The following MAP4K3 variants were observed in gnomAD, a reference collection of about 807,000 sequenced individuals.
MAP4K3 encodes MAPK/ERK kinase kinase kinase 3.
Under a neutral mutation model 143.5 loss-of-function variants are expected in MAP4K3, and 94 were observed. That is an observed-to-expected ratio of 0.65 (90% CI 0.55 to 0.78). The LOEUF is 0.78. Ranked by LOEUF, MAP4K3 falls within the 30% of genes least tolerant of loss-of-function variation. The pLI is 0.00. For missense variants in MAP4K3, 1,077 were observed against 1,068.1 expected (o/e 1.01, Z -0.12); for synonymous variants, 416 against 347.2 (o/e 1.20, Z -2.20).
chr2:39,287,834 C>T (rs1681865024), intron 20 of MAP4K3, among the ~76,000 whole-genome samples: 1 of 152,134 alleles, frequency 6.6e-6, no homozygotes, highest in South Asian at 2.1e-4. Context: ...GTTTAATTTG[C>T]ATTGTTTCCA....
At chr2:39,307,468 A>C (rs1682749780) in intron 15 of MAP4K3, among the ~76,000 whole-genome samples, 1 of 151,964 alleles carries the variant, frequency 6.6e-6, no homozygotes, top group Non-Finnish European at 1.5e-5. Context: ...AATTATCTTT[A>C]AAAATTATAT....
At chr2:39,266,218 C>T (rs1005786741) in intron 27 of MAP4K3, among the ~76,000 whole-genome samples, 1 of 152,218 alleles carries the variant, frequency 6.6e-6, no homozygotes, top group African/African-American at 2.4e-5. Context: ...TTGCTCTAAA[C>T]CAGCTGTTCT....
chr2:39,329,035 A>T (rs1344885572), intron 8 of MAP4K3, among the ~76,000 whole-genome samples: 2 of 152,214 alleles, frequency 1.3e-5, no homozygotes, highest in Non-Finnish European at 2.9e-5. Context: ...TACCAGAAAG[A>T]CAGATACAGG....
At chr2:39,354,740 G>A (rs1186554840) in intron 3 of MAP4K3, among the ~76,000 whole-genome samples, 1 of 152,070 alleles carries the variant, frequency 6.6e-6, no homozygotes, top group Non-Finnish European at 1.5e-5. Context: ...AGCTGTACAA[G>A]AGTGGTTACA....
In MAP4K3 at chr2:39,301,067, GAT is replaced by G. The variant is rs546283848; in HGVS notation, c.1120-1268_1120-1267del. Among the ~76,000 whole-genome samples, 13 of 151,532 alleles carry G rather than the reference GAT, an allele frequency of 8.6e-5. No homozygotes were observed. The East Asian group carries it at 2.5e-3, about 29-fold the overall frequency. ...TAAAAACTAAGCCTCAAAATATAAG[GAT>G]TTTAAGCAATACATTACATTTAAGA... On this transcript the variant is annotated intron_variant, in intron 15 of 33. Transcript: ENST00000263881.
At chr2:39,403,968 C>T (rs1667022878) in intron 1 of MAP4K3, among the ~76,000 whole-genome samples, 1 of 151,730 alleles carries the variant, frequency 6.6e-6, no homozygotes, top group Non-Finnish European at 1.5e-5. Context: ...ATTCTAGACA[C>T]ACCCTGGGCC....
At chr2:39,414,137 T>C (rs769046291) in intron 1 of MAP4K3, among the ~76,000 whole-genome samples, 3 of 152,118 alleles carry the variant, frequency 2.0e-5, no homozygotes, top group Non-Finnish European at 4.4e-5. Context: ...ATGTTCCTAA[T>C]CTCTATAGAA....
intron 1 of MAP4K3, among the ~76,000 whole-genome samples, chr2:39,404,530 G>A (rs550339118): frequency 2.0e-5 from 3 of 151,352 alleles, no homozygotes; most frequent in Non-Finnish European, 2.9e-5. Context: ...GAAAGACCAC[G>A]CTTCATGGTT....
intron 3 of MAP4K3, among the ~76,000 whole-genome samples, chr2:39,355,586 T>C (rs1665589575): frequency 6.6e-6 from 1 of 152,014 alleles, no homozygotes; most frequent in Non-Finnish European, 1.5e-5. Flanking sequence ...TAATCTTCCC[T>C]TGGAGGAAGC....
intron 3 of MAP4K3, among the ~76,000 whole-genome samples, chr2:39,347,330 T>C (rs1665321184): frequency 6.6e-6 from 1 of 152,196 alleles, no homozygotes; most frequent in Non-Finnish European, 1.5e-5. Flanking sequence ...ATTACCAAAA[T>C]GTTTTGAGAA....
chr2:39,387,991 A>G (rs549047123), intron 1 of MAP4K3, among the ~76,000 whole-genome samples: 2 of 152,376 alleles, frequency 1.3e-5, no homozygotes, highest in East Asian at 1.9e-4. Context: ...GTGAGTGATA[A>G]AAGAGTACAG....
In MAP4K3 at chr2:39,309,315, G is replaced by C. The variant is rs112207009; in HGVS notation, c.1056+146C>G. ...GTTTTAACATTTTTTTGTAGAGACA[G>C]GGTCTTACTATGTTGACCAGGCTGG... On this transcript the variant is annotated intron_variant, in intron 14 of 33. Coordinates refer to ENST00000263881, the MANE Select transcript of MAP4K3 (RefSeq NM_003618.4). 258 of 565,800 alleles carry C rather than the reference G, an allele frequency of 4.6e-4. 3 individuals are homozygous for C. The African/African-American group carries it at 4.6e-3, about 10-fold the overall frequency. The allele number at this position is 565,800 out of a possible 1,614,324, so 35.0% of individuals were successfully genotyped here. A position where few individuals can be genotyped will look rare whatever the true frequency, so the allele number is the denominator to read the frequency against.
chr2:39,330,432 T>C (rs1436973275), intron 8 of MAP4K3, among the ~76,000 whole-genome samples: 2 of 152,146 alleles, frequency 1.3e-5, no homozygotes, highest in African/African-American at 4.8e-5. Context: ...CATGCACGGT[T>C]TCTCAGAAAG....
In MAP4K3 at chr2:39,325,444, A is replaced by G. The variant is rs7578373; in HGVS notation, c.918+74T>C. ...CAAAATTAAAAAAATGGATTTTGAG[A>G]CGTACATACAGACACACATATATAC... On this transcript the variant is annotated intron_variant, in intron 12 of 33. Transcript: ENST00000263881. The G allele has an allele frequency of 5.6e-3, 5,227 of 927,720 alleles. 210 individuals carry two copies. In the African/African-American group the frequency reaches 0.08, roughly 14 times the overall value. The allele number at this position is 927,720 out of a possible 1,614,324, so 57.5% of individuals were successfully genotyped here.
At chr2:39,429,059 C>G (rs1464511403) in intron 1 of MAP4K3, among the ~76,000 whole-genome samples, 1 of 83,130 alleles carries the variant, frequency 1.2e-5, no homozygotes, top group East Asian at 4.0e-4. Context: ...AGCGAGACTC[C>G]GTCTCAAAAA....
At chr2:39,365,247 G>A (rs547519277) in intron 2 of MAP4K3, among the ~76,000 whole-genome samples, 1 of 152,078 alleles carries the variant, frequency 6.6e-6, no homozygotes, top group East Asian at 1.9e-4. Flanking sequence ...TGTTAATGTT[G>A]GTCAGCTGAG....
At chr2:39,253,280 C>A (rs1326190896) in intron 32 of MAP4K3, among the ~76,000 whole-genome samples, 1 of 152,260 alleles carries the variant, frequency 6.6e-6, no homozygotes, top group Admixed American at 6.5e-5. Context: ...ACTAGAGGCA[C>A]GCGCCACCAC....
At chr2:39,405,732 G>T (rs1667076376) in intron 1 of MAP4K3, among the ~76,000 whole-genome samples, 1 of 152,168 alleles carries the variant, frequency 6.6e-6, no homozygotes, top group Admixed American at 6.5e-5. Context: ...GCCAGCTGCA[G>T]TGGTGTGCAC....
In MAP4K3 at chr2:39,333,380, C is replaced by T. The variant is rs774157299; in HGVS notation, c.457+152G>A. 10 of 609,094 alleles carry T rather than the reference C, an allele frequency of 1.6e-5. No homozygotes were observed. The Admixed American group carries it at 1.7e-4, about 10-fold the overall frequency. 37.7% of individuals were successfully genotyped at this position (609,094 alleles called of 1,614,324 possible). ...TATCCCTGTTTAAGAGAAGTGGATG[C>T]AGAGAGGTGACAGCATGGCAACGAG... On this transcript the variant is annotated intron_variant, in intron 7 of 33. Coordinates refer to ENST00000263881, the MANE Select transcript of MAP4K3 (RefSeq NM_003618.4).
Sources: allele counts gnomAD v4.1 joint callset (sites outside exome capture counted in the v4.1 genomes callset), GRCh38; gene constraint gnomAD v4.1.1; transcripts MANE v1.5; gene names NCBI Gene and HGNC (gene_info 2026-07-23, HGNC 2026-07-21).